DGKB: variants seen among roughly 807,000 people sequenced by gnomAD.
DGKB encodes the protein 90 kDa diacylglycerol kinase.
DGKB carries 67 observed loss-of-function variants against 114.3 expected under a neutral mutation model. The ratio of observed to expected loss-of-function variants is 0.59; its 90% CI spans 0.48 to 0.72. The LOEUF is 0.72. Ranked by LOEUF, DGKB falls within the 30% of genes least tolerant of loss-of-function variation. DGKB has a pLI of 0.00. For missense variants in DGKB, 907 were observed against 975.2 expected (o/e 0.93, Z 0.93); for synonymous variants, 398 against 323.1 (o/e 1.23, Z -2.49).
At chr7:14,734,388 C>T (rs1330042268) in intron 5 of DGKB, among the ~76,000 whole-genome samples, 3 of 152,076 alleles carry the variant, frequency 2.0e-5, no homozygotes, top group East Asian at 3.9e-4. Context: ...AGCTGGGACT[C>T]GCTAGACTTG....
chr7:14,278,674 G>C (rs567399503), intron 23 of DGKB, among the ~76,000 whole-genome samples: 1 of 152,162 alleles, frequency 6.6e-6, no homozygotes, highest in Admixed American at 6.5e-5. Flanking sequence ...CATGGGAAAT[G>C]AAATAACAGA....
intron 8 of DGKB, among the ~76,000 whole-genome samples, chr7:14,696,418 C>A (rs1823906935): frequency 6.8e-6 from 1 of 146,126 alleles, no homozygotes; most frequent in Non-Finnish European, 1.5e-5. Flanking sequence ...TGGAGTGAAC[C>A]CGGGAGGCGG....
intron 2 of DGKB, among the ~76,000 whole-genome samples, chr7:14,824,409 G>T (rs1845375563): frequency 6.6e-6 from 1 of 152,108 alleles, no homozygotes; most frequent in Non-Finnish European, 1.5e-5. Context: ...GTGTAAGGGA[G>T]AAAAAGTAGG....
chr7:14,445,695 A>T (rs1166366549), intron 21 of DGKB, among the ~76,000 whole-genome samples: 1 of 152,024 alleles, frequency 6.6e-6, no homozygotes, highest in Non-Finnish European at 1.5e-5. Flanking sequence ...TGATCTTAAC[A>T]GGTAGAAATT....
At chr7:14,928,061 G>T (rs1021977007) in intron 1 of DGKB, among the ~76,000 whole-genome samples, 1 of 151,820 alleles carries the variant, frequency 6.6e-6, no homozygotes, top group African/African-American at 2.4e-5. Context: ...CTGTGAATTT[G>T]AAAAATCTAA....
intron 23 of DGKB, among the ~76,000 whole-genome samples, chr7:14,321,062 G>A (rs920379397): frequency 5.3e-5 from 8 of 152,168 alleles, no homozygotes; most frequent in Admixed American, 3.3e-4. Context: ...AGGATGAGGC[G>A]GGCGGATGAC....
At chr7:14,715,063 G>C (rs1827974045) in intron 6 of DGKB, among the ~76,000 whole-genome samples, 1 of 152,096 alleles carries the variant, frequency 6.6e-6, no homozygotes, top group Non-Finnish European at 1.5e-5. Flanking sequence ...TTTTACAGTT[G>C]AGAAAACTGA....
intron 2 of DGKB, among the ~76,000 whole-genome samples, chr7:14,822,215 G>A (rs1037275085): frequency 3.3e-5 from 5 of 152,104 alleles, no homozygotes; most frequent in African/African-American, 1.2e-4. Context: ...ATTGAGAGGA[G>A]AGGTTTGGGT....
intron 1 of DGKB, among the ~76,000 whole-genome samples, chr7:14,916,698 A>G (rs1482559842): frequency 2.6e-5 from 4 of 152,140 alleles, no homozygotes; most frequent in African/African-American, 9.6e-5. Flanking sequence ...ATAGTTGGAA[A>G]GTTCAACACC....
chr7:14,256,860 C>CTAAT (rs1341229219), intron 23 of DGKB, among the ~76,000 whole-genome samples: 1 of 152,110 alleles, frequency 6.6e-6, no homozygotes, highest in African/African-American at 2.4e-5. Context: ...TGTATCTCTT[C>CTAAT]TAATTAAATT....
At chr7:14,490,951 T>C (rs1434306213) in intron 20 of DGKB, among the ~76,000 whole-genome samples, 2 of 132,490 alleles carry the variant, frequency 1.5e-5, no homozygotes, top group Non-Finnish European at 3.4e-5. Context: ...ATTGTGGTAA[T>C]TTTTTTTTTT....
intron 1 of DGKB, among the ~76,000 whole-genome samples, chr7:14,934,236 C>G (rs1261172338): frequency 6.6e-6 from 1 of 152,128 alleles, no homozygotes; most frequent in African/African-American, 2.4e-5. Context: ...CTCTTGACTT[C>G]ACTAATATCC....
At chr7:14,499,587 G>A (rs1785816378) in intron 20 of DGKB, among the ~76,000 whole-genome samples, 1 of 151,720 alleles carries the variant, frequency 6.6e-6, no homozygotes, top group African/African-American at 2.4e-5. Context: ...TCACAAAGGT[G>A]GAGCCTCACA....
chr7:14,314,467 G>A (rs1018596923), intron 23 of DGKB, among the ~76,000 whole-genome samples: 5 of 152,026 alleles, frequency 3.3e-5, no homozygotes, highest in East Asian at 1.9e-4. Flanking sequence ...ACCAAGGCTC[G>A]AGAACTACGT....
intron 1 of DGKB, among the ~76,000 whole-genome samples, chr7:14,958,328 A>C (rs1175892474): frequency 6.6e-6 from 1 of 151,742 alleles, no homozygotes; most frequent in African/African-American, 2.4e-5. Context: ...CAATGGTTTT[A>C]TTTTAGACAA....
intron 21 of DGKB, among the ~76,000 whole-genome samples, chr7:14,464,562 C>A (rs1833561842): frequency 1.3e-5 from 2 of 152,168 alleles, no homozygotes. Flanking sequence ...TCTGCATAGA[C>A]ATAAATGTAC....
chr7:14,523,370 G>A (rs1790097668), intron 20 of DGKB, among the ~76,000 whole-genome samples: 1 of 152,154 alleles, frequency 6.6e-6, no homozygotes, highest in Non-Finnish European at 1.5e-5. Context: ...ATTTCCAATA[G>A]CTGGTATGAG....
chr7:14,878,758 A>AAAC (rs1554325440), intron 1 of DGKB, among the ~76,000 whole-genome samples: 2,560 of 147,780 alleles, frequency 0.017, 88 homozygotes, highest in African/African-American at 0.061. Context: ...CAAAAAACAA[A>AAAC]AAAAAAAAAA....
intron 23 of DGKB, among the ~76,000 whole-genome samples, chr7:14,187,094 C>A (rs1285276910): frequency 1.3e-5 from 2 of 152,140 alleles, no homozygotes; most frequent in Non-Finnish European, 1.5e-5. Flanking sequence ...ATACATAACA[C>A]CTTAAAATAG....
Sources: allele counts gnomAD v4.1 joint callset (sites outside exome capture counted in the v4.1 genomes callset), GRCh38; gene constraint gnomAD v4.1.1; transcripts MANE v1.5; gene names NCBI Gene and HGNC (gene_info 2026-07-23, HGNC 2026-07-21).